RBPMS2: variants seen among roughly 807,000 people sequenced by gnomAD.
The protein encoded by RBPMS2 is RNA binding protein, mRNA processing factor 2, also known as RNA-binding protein with multiple splicing 2.
RBPMS2 carries 14 observed loss-of-function variants against 25.7 expected under a neutral mutation model. That is an observed-to-expected ratio of 0.55 (90% CI 0.36 to 0.85). RBPMS2 has a LOEUF of 0.85. Among genes scored for constraint, RBPMS2 ranks in the 40% least tolerant of loss-of-function variants. The pLI is 0.01. For synonymous variants in RBPMS2, 127 were observed against 115.6 expected, an observed-to-expected ratio of 1.10 and a Z score of -0.63; for missense variants, 252 against 283.4, an observed-to-expected ratio of 0.89 and a Z score of 0.80.
chr15:64,771,440 T>C (rs193301244), intron 1 of RBPMS2, among the ~76,000 whole-genome samples: 1 of 152,310 alleles, frequency 6.6e-6, no homozygotes, highest in Non-Finnish European at 1.5e-5. Flanking sequence ...CTCAGCACTT[T>C]GGGAGGCCGA....
At position 64,749,217 on chromosome 15, in the gene RBPMS2, TAGAGAAGGGCGCC is replaced by T. The variant is rs2083650909; in HGVS notation, c.268-80_268-68del. ...GACCCAGAGTGTTAATGGCAGAGAG[TAGAGAAGGGCGCC>T]ATAAACAAGCTCGCCTCGAAGACCT... On this transcript the variant is annotated intron_variant, in intron 4 of 7. Transcript: ENST00000300069. The T allele has an allele frequency of 3.2e-6, 5 of 1,571,256 alleles. No individual in the cohort carries two copies. The Admixed American group carries it at 8.5e-5, about 27-fold the overall frequency.
rs1031267151 is a variant in RBPMS2 at position 64,769,639 on chromosome 15, G to A, written c.87+5594C>T. Among the ~76,000 whole-genome samples, 6 of 151,784 alleles carry A rather than the reference G, an allele frequency of 4.0e-5. No homozygotes were observed. In the South Asian group the frequency reaches 1.0e-3, roughly 26 times the overall value. ...CGCGCCACTGCACTTCAGCCTGGGC[G>A]ACAGAGCGAGACTCCATCTCAAAAA... On this transcript the variant is annotated intron_variant, in intron 1 of 7. Coordinates refer to ENST00000300069, the MANE Select transcript of RBPMS2 (RefSeq NM_194272.3).
At chr15:64,741,934 G>A (rs1362899141) in intron 6 of RBPMS2, among the ~76,000 whole-genome samples, 2 of 152,190 alleles carry the variant, frequency 1.3e-5, no homozygotes, top group East Asian at 1.9e-4. Flanking sequence ...CGGAGGCCGA[G>A]GTGGGCGGAC....
intron 1 of RBPMS2, among the ~76,000 whole-genome samples, chr15:64,751,939 C>CA (rs2083685768): frequency 6.6e-6 from 1 of 151,130 alleles, no homozygotes; most frequent in African/African-American, 2.4e-5. Context: ...GATAAGGGTA[C>CA]AAACCCAGCC....
At chr15:64,771,307 T>C (rs1412754499) in intron 1 of RBPMS2, among the ~76,000 whole-genome samples, 1 of 152,238 alleles carries the variant, frequency 6.6e-6, no homozygotes, top group Non-Finnish European at 1.5e-5. Context: ...TCCCTCGATA[T>C]CTGAGGCGGA....
At chr15:64,759,834 G>C (rs573474785) in intron 1 of RBPMS2, among the ~76,000 whole-genome samples, 1 of 152,048 alleles carries the variant, frequency 6.6e-6, no homozygotes, top group African/African-American at 2.4e-5. Flanking sequence ...CACCATGCCC[G>C]GCTAATTTTT....
intron 2 of RBPMS2, among the ~76,000 whole-genome samples, chr15:64,751,085 A>C (rs1414336448): frequency 6.6e-6 from 1 of 152,050 alleles, no homozygotes; most frequent in Non-Finnish European, 1.5e-5. Context: ...CTGTAATCCC[A>C]GCACTTTGGG....
At chr15:64,744,329 C>T (rs2083592560) in intron 6 of RBPMS2, among the ~76,000 whole-genome samples, 2 of 151,898 alleles carry the variant, frequency 1.3e-5, no homozygotes, top group Non-Finnish European at 1.5e-5. Context: ...GAGGCCGAGG[C>T]GGACGGATCA....
chr15:64,748,209 G>A (rs74022317), intron 6 of RBPMS2, among the ~76,000 whole-genome samples: 2,507 of 152,260 alleles, frequency 0.016, 72 homozygotes, highest in African/African-American at 0.057. Flanking sequence ...TCCTCCATGG[G>A]AACTCGTGGG....
chr15:64,764,399 C>T (rs1324562781), intron 1 of RBPMS2, among the ~76,000 whole-genome samples: 1 of 152,208 alleles, frequency 6.6e-6, no homozygotes, highest in African/African-American at 2.4e-5. Flanking sequence ...GGCATGAACA[C>T]ACAGCCCCGA....
chr15:64,755,142 G>A (rs2083721586), intron 1 of RBPMS2, among the ~76,000 whole-genome samples: 1 of 152,082 alleles, frequency 6.6e-6, no homozygotes, highest in South Asian at 2.1e-4. Context: ...GGTAGGGTGG[G>A]GTGAGTGTAG....
At chr15:64,758,940 A>G (rs1216631912) in intron 1 of RBPMS2, among the ~76,000 whole-genome samples, 1 of 152,204 alleles carries the variant, frequency 6.6e-6, no homozygotes, top group East Asian at 1.9e-4. Flanking sequence ...TTAATTAAAA[A>G]TTAAACTTTT....
chr15:64,741,225 G>A lies in RBPMS2; in HGVS notation c.585C>T (p.Ser195=), dbSNP rs1233704252. 1.3e-6 allele frequency: 2 copies of A among 1,592,322 alleles called. No homozygotes were observed. The highest frequency in any genetic ancestry group is 2.3e-5 in the South Asian group (2 of 87,326). The change falls in exon 7 of 8, where the codon TCC becomes TCT. Residue 195 remains serine (S), a synonymous_variant. Transcript: ENST00000300069. ...TCCATCCTTGCTGGGTGGTGTCAGAGGAAGGGTACCAGCGCACCTGCAAGA... is the reference window on the plus strand; with the variant it reads ...TCCATCCTTGCTGGGTGGTGTCAGAAGAAGGGTACCAGCGCACCTGCAAGA... ...ALHAQVRWYP[S]SDTTQQGWKY...
chr15:64,775,033 C>T (rs1385048091), intron 1 of RBPMS2, among the ~76,000 whole-genome samples, 200 bp downstream of exon 1: 1 of 150,768 alleles, frequency 6.6e-6, no homozygotes, highest in African/African-American at 2.4e-5. Flanking sequence ...GGAGACAATG[C>T]CTGTCCGGCG....
chr15:64,755,366 G>C (rs919624263), intron 1 of RBPMS2, among the ~76,000 whole-genome samples: 14 of 152,124 alleles, frequency 9.2e-5, no homozygotes, highest in African/African-American at 3.4e-4. Flanking sequence ...TGCTCTGTGG[G>C]GAGCAGTCCG....
intron 1 of RBPMS2, among the ~76,000 whole-genome samples, chr15:64,773,950 T>C (rs1198458570): frequency 2.0e-5 from 3 of 152,156 alleles, no homozygotes; most frequent in African/African-American, 7.2e-5. Flanking sequence ...CACACTTAAG[T>C]CATTAGTGGA....
chr15:64,743,378 C>G (rs1038767705), intron 6 of RBPMS2, among the ~76,000 whole-genome samples: 5 of 152,266 alleles, frequency 3.3e-5, no homozygotes, highest in East Asian at 1.9e-4. Flanking sequence ...GCCTGAGGGA[C>G]TCCTTGGGGA....
At chr15:64,753,601 A>C (rs2083702975) in intron 1 of RBPMS2, among the ~76,000 whole-genome samples, 1 of 151,466 alleles carries the variant, frequency 6.6e-6, no homozygotes, top group Non-Finnish European at 1.5e-5. Context: ...TTAAACTTTG[A>C]CTCTCAGCCA....
At chr15:64,767,693 G>A (rs1024806208) in intron 1 of RBPMS2, among the ~76,000 whole-genome samples, 1 of 151,906 alleles carries the variant, frequency 6.6e-6, no homozygotes, top group Non-Finnish European at 1.5e-5. Flanking sequence ...TTTCTTTTGA[G>A]ACAAGGTCTC....
Sources: allele counts gnomAD v4.1 joint callset (sites outside exome capture counted in the v4.1 genomes callset), GRCh38; gene constraint gnomAD v4.1.1; transcripts MANE v1.5; gene names NCBI Gene and HGNC (gene_info 2026-07-23, HGNC 2026-07-21).